The following TRAPPC9 variants were observed in gnomAD, a reference collection of about 807,000 sequenced individuals.
TRAPPC9 encodes trafficking protein particle complex subunit 9, also known as IKK2 binding protein.
TRAPPC9 carries 83 observed loss-of-function variants against 124.0 expected under a neutral mutation model. The observed-to-expected ratio is 0.67, with a 90% CI of 0.56 to 0.80. The LOEUF is 0.80. TRAPPC9 is among the 30% of genes least tolerant of loss of function. The probability of loss-of-function intolerance (pLI) is 0.00; values close to 1 mark genes in which losing one functional copy is unlikely to be tolerated. For synonymous variants in TRAPPC9, 638 were observed against 617.5 expected (o/e 1.03, Z -0.49); for missense variants, 1,302 against 1,508.3 (o/e 0.86, Z 2.27).
intron 9 of TRAPPC9, among the ~76,000 whole-genome samples, chr8:140,337,710 C>T (rs1315842465): frequency 1.3e-5 from 2 of 152,096 alleles, no homozygotes; most frequent in Non-Finnish European, 2.9e-5. Context: ...CAGATGGGCA[C>T]GTGATCAGCG....
chr8:139,792,435 TG>T (rs1563816741), intron 21 of TRAPPC9, among the ~76,000 whole-genome samples: 2 of 152,190 alleles, frequency 1.3e-5, no homozygotes, highest in African/African-American at 2.4e-5. Context: ...TGGGCCTGGC[TG>T]CGTGTGGGCC....
At chr8:140,193,625 A>G (rs1437901988) in intron 17 of TRAPPC9, among the ~76,000 whole-genome samples, 39 of 68,096 alleles carry the variant, frequency 5.7e-4, no homozygotes, top group Middle Eastern at 7.7e-3. Context: ...ACTTTCAGAA[A>G]AAAAAAAAAA....
At chr8:140,185,805 A>C (rs554453734) in intron 17 of TRAPPC9, among the ~76,000 whole-genome samples, 1 of 152,346 alleles carries the variant, frequency 6.6e-6, no homozygotes, top group South Asian at 2.1e-4. Flanking sequence ...TTAGGTGAGA[A>C]CTGATGCAAA....
chr8:140,357,606 G>A (rs1270430886), intron 9 of TRAPPC9, among the ~76,000 whole-genome samples: 1 of 151,978 alleles, frequency 6.6e-6, no homozygotes, highest in African/African-American at 2.4e-5. Flanking sequence ...TAGGGGAGGT[G>A]GGCAGCACTC....
intron 16 of TRAPPC9, among the ~76,000 whole-genome samples, chr8:140,234,082 C>A (rs1039028889): frequency 1.4e-4 from 22 of 152,188 alleles, no homozygotes; most frequent in Admixed American, 1.1e-3. Context: ...GGGTCCCCAA[C>A]CCCCAGTCCG....
intron 21 of TRAPPC9, among the ~76,000 whole-genome samples, chr8:139,775,527 G>A (rs534337378): frequency 3.3e-5 from 5 of 152,244 alleles, no homozygotes; most frequent in East Asian, 1.9e-4. Flanking sequence ...GGGAAGTCAA[G>A]GGGCCGAGGC....
rs147525324 is a variant in TRAPPC9 at position 139,969,557 on chromosome 8, T to A, written c.2810+19169A>T. On this transcript the variant is annotated intron_variant, in intron 19 of 22. Transcript: ENST00000438773. ...CCTCACCAAGCCTGGGTCTCCTCAA[T>A]GGGCTAGCAGGAATATGACAAGGAT... Among the ~76,000 whole-genome samples, 631 of 152,290 alleles carry A rather than the reference T, an allele frequency of 4.1e-3. 4 individuals are homozygous for A. The highest frequency in any genetic ancestry group is 0.014 in the African/African-American group (576 of 41,556).
intron 21 of TRAPPC9, among the ~76,000 whole-genome samples, chr8:139,798,987 C>T (rs986960311): frequency 3.9e-5 from 6 of 152,166 alleles, no homozygotes; most frequent in African/African-American, 1.4e-4. Context: ...TCACTCCAAT[C>T]GTGGCCTCCT....
chr8:140,272,573 G>C (rs1198907944), intron 15 of TRAPPC9, among the ~76,000 whole-genome samples: 3 of 152,096 alleles, frequency 2.0e-5, no homozygotes, highest in Non-Finnish European at 2.9e-5. Flanking sequence ...AGGAATACCT[G>C]AGGCTGGCTA....
At chr8:140,394,981 G>A (rs144616108) in intron 7 of TRAPPC9, among the ~76,000 whole-genome samples, 1 of 152,322 alleles carries the variant, frequency 6.6e-6, no homozygotes, top group East Asian at 1.9e-4. Context: ...TGTCAAATGA[G>A]AAGTATGATC....
intron 18 of TRAPPC9, among the ~76,000 whole-genome samples, chr8:139,999,807 T>C (rs1838273462): frequency 6.6e-6 from 1 of 152,142 alleles, no homozygotes; most frequent in African/African-American, 2.4e-5. Context: ...TCAATGCACT[T>C]CAAAACAACC....
Position 140,421,602 on chromosome 8 carries a change from C to G in TRAPPC9, c.886+5013G>C, listed in dbSNP as rs185135530. ...GTCATTGTACACAGTGACTGAAGAC[C>G]GCCATACTCTAGCTAATCCGCTGGA... On this transcript the variant is annotated intron_variant, in intron 5 of 22. Transcript: ENST00000438773. 2.7e-3 allele frequency among the ~76,000 whole-genome samples: 414 copies of G among 152,176 alleles called. 4 individuals are homozygous for G. The highest frequency in any genetic ancestry group is 7.5e-3 in the East Asian group (39 of 5,182).
chr8:140,106,597 G>A (rs944664010), intron 17 of TRAPPC9, among the ~76,000 whole-genome samples: 2 of 152,122 alleles, frequency 1.3e-5, no homozygotes, highest in African/African-American at 2.4e-5. Context: ...GTGGGGGAGC[G>A]AGGGGGCAGT....
At chr8:139,887,997 C>G (rs1368072122) in intron 20 of TRAPPC9, among the ~76,000 whole-genome samples, 1 of 152,238 alleles carries the variant, frequency 6.6e-6, no homozygotes, top group Non-Finnish European at 1.5e-5. Context: ...CCTTCCTGCA[C>G]CTGACACCCG....
chr8:140,419,190 A>G (rs2070068346), intron 5 of TRAPPC9, among the ~76,000 whole-genome samples: 1 of 152,222 alleles, frequency 6.6e-6, no homozygotes, highest in African/African-American at 2.4e-5. Context: ...GCACTTTGGG[A>G]GGCCGAGGCG....
intron 17 of TRAPPC9, among the ~76,000 whole-genome samples, chr8:140,049,301 C>T (rs566512629): frequency 1.2e-3 from 179 of 152,264 alleles, no homozygotes; most frequent in Admixed American, 3.2e-3. Context: ...GAGAGTCATG[C>T]CATCTGACTT....
Position 140,132,771 on chromosome 8 carries a change from C to A in TRAPPC9, c.2556+88688G>T, listed in dbSNP as rs1227478602. On this transcript the variant is annotated intron_variant, in intron 17 of 22. Transcript: ENST00000438773. ...GGTGCAAGTGGGAGGCTCAGAATAACCTTCCAAGAGGAGGCCAAGTCGGAG... is the reference window on the plus strand; with the variant it reads ...GGTGCAAGTGGGAGGCTCAGAATAAACTTCCAAGAGGAGGCCAAGTCGGAG... 2.7e-5 allele frequency among the ~76,000 whole-genome samples: 4 copies of A among 146,388 alleles called. No individual in the cohort carries two copies. The South Asian group carries it at 6.5e-4, about 24-fold the overall frequency.
At chr8:140,341,383 A>G (rs770779719) in intron 9 of TRAPPC9, among the ~76,000 whole-genome samples, 4 of 152,160 alleles carry the variant, frequency 2.6e-5, no homozygotes, top group African/African-American at 7.2e-5. Context: ...AGGGGCCTAC[A>G]TAGCTGCCTG....
intron 19 of TRAPPC9, among the ~76,000 whole-genome samples, chr8:139,947,338 G>A (rs1332734419): frequency 3.3e-5 from 5 of 152,164 alleles, no homozygotes; most frequent in Non-Finnish European, 1.5e-5. Flanking sequence ...AGATAATGTG[G>A]TTCTGTAGCC....
Sources: allele counts gnomAD v4.1 joint callset (sites outside exome capture counted in the v4.1 genomes callset), GRCh38; gene constraint gnomAD v4.1.1; transcripts MANE v1.5; gene names NCBI Gene and HGNC (gene_info 2026-07-23, HGNC 2026-07-21).